PKHD1L1: variants seen among roughly 807,000 people sequenced by gnomAD.
The protein encoded by PKHD1L1 is fibrocystin-L.
A neutral mutation model predicts 462.9 loss-of-function variants in PKHD1L1; 434 were observed. That is an observed-to-expected ratio of 0.94 (90% CI 0.87 to 1.02). The LOEUF (loss-of-function observed/expected upper bound fraction) is 1.02. Ranked by LOEUF, PKHD1L1 falls within the 50% of genes least tolerant of loss-of-function variation. The pLI is 0.00. For missense variants in PKHD1L1, 5,202 were observed against 5,096.1 expected (o/e 1.02, Z -0.63); for synonymous variants, 1,781 against 1,750.0 (o/e 1.02, Z -0.44).
chr8:109,413,476 A>G lies in PKHD1L1; in HGVS notation c.2291A>G (p.Tyr764Cys). ...AATTATATTGGTCTAAAATTTCAGT[A>G]CCAAGACAATAGCAAGATTACTAGA... ...LANYIGLKFQ[Y>C]QDNSKITRST... The change falls in exon 21 of 78, where the codon TAC (tyrosine) becomes TGC (cysteine). Residue 764 changes from tyrosine to cysteine, a missense_variant. By Grantham distance (194) the Tyr-to-Cys change is radical. Transcript: ENST00000378402. 1 of 1,582,620 alleles carries G rather than the reference A, an allele frequency of 6.3e-7. No individual in the cohort carries two copies. Among genetic ancestry groups the G allele is most frequent in the Non-Finnish European group, 8.6e-7 (1 of 1,162,788 alleles).
At chr8:109,364,767 T>A in intron 2 of PKHD1L1, 131 bp downstream of exon 2, 1 of 647,356 alleles carries the variant, frequency 1.5e-6, no homozygotes, top group Middle Eastern at 2.5e-4. Context: ...GCCAGAATAG[T>A]AAAACTCTGT....
intron 9 of PKHD1L1, 90 bp downstream of exon 9, chr8:109,390,584 A>G: frequency 1.4e-6 from 1 of 700,072 alleles, no homozygotes; most frequent in Non-Finnish European, 2.1e-6. Context: ...GTAGATGCAG[A>G]GGTTTAAAAA....
intron 2 of PKHD1L1, among the ~76,000 whole-genome samples, chr8:109,370,883 C>A (rs1318263978): frequency 6.6e-6 from 1 of 152,116 alleles, no homozygotes; most frequent in Admixed American, 6.5e-5. Flanking sequence ...GTATATGTGC[C>A]ACATTTTCTT....
chr8:109,436,356 T>G lies in PKHD1L1; in HGVS notation c.3524T>G (p.Leu1175Ter), dbSNP rs754800554. 25 of 1,612,958 alleles carry G rather than the reference T, an allele frequency of 1.5e-5. No individual in the cohort carries two copies. The highest frequency in any genetic ancestry group is 1.6e-5 in the Non-Finnish European group (19 of 1,179,714). Residue 1175 changes from leucine (L) to a stop codon, truncating the protein, a stop_gained, in exon 30 of 78, where the codon TTA (leucine) becomes TGA (stop). Transcript: ENST00000378402. LOFTEE classifies it high-confidence loss of function. ...GSIAGGTLLT[L>*]SGFGFNENSK... ...TATGAAGGTGGTACTCTACTGACTT[T>G]ATCTGGATTTGGCTTTAATGAAAAT...
At chr8:109,369,625 AT>A (rs1811396643) in intron 2 of PKHD1L1, among the ~76,000 whole-genome samples, 1 of 56,842 alleles carries the variant, frequency 1.8e-5, no homozygotes, top group African/African-American at 6.3e-5. Context: ...TGATAGGAAA[AT>A]ATATATATAT....
At chr8:109,447,474 T>C (rs972088563) in intron 38 of PKHD1L1, among the ~76,000 whole-genome samples, 2 of 152,206 alleles carry the variant, frequency 1.3e-5, no homozygotes, top group Non-Finnish European at 2.9e-5. Flanking sequence ...TTGAACAACC[T>C]ATGAAAAGTT....
intron 21 of PKHD1L1, among the ~76,000 whole-genome samples, chr8:109,417,184 A>G (rs551293080): frequency 1.3e-5 from 2 of 152,252 alleles, no homozygotes; most frequent in African/African-American, 4.8e-5. Flanking sequence ...AGTACATTTA[A>G]AAACAATTAA....
At chr8:109,389,615 C>T (rs939921815) in intron 8 of PKHD1L1, among the ~76,000 whole-genome samples, 4 of 151,386 alleles carry the variant, frequency 2.6e-5, no homozygotes, top group Admixed American at 6.6e-5. Flanking sequence ...GCAACCTCTG[C>T]CTCCCAGCTT....
intron 41 of PKHD1L1, among the ~76,000 whole-genome samples, chr8:109,451,478 G>A (rs150781924): frequency 6.6e-6 from 1 of 152,184 alleles, no homozygotes; most frequent in Non-Finnish European, 1.5e-5. Context: ...TCACCTTCTT[G>A]TTATGCTTTC....
intron 23 of PKHD1L1, among the ~76,000 whole-genome samples, chr8:109,421,069 T>G (rs1389884049): frequency 6.6e-6 from 1 of 152,078 alleles, no homozygotes; most frequent in East Asian, 1.9e-4. Flanking sequence ...TTTTTGCTTG[T>G]ATGAAAATTT....
At chr8:109,524,908 C>T (rs1190872003) in intron 76 of PKHD1L1, among the ~76,000 whole-genome samples, 1 of 151,362 alleles carries the variant, frequency 6.6e-6, no homozygotes, top group Non-Finnish European at 1.5e-5. Context: ...CTCCCCTCCC[C>T]TCTTCCTCTC....
At position 109,442,104 on chromosome 8, in the gene PKHD1L1, G is replaced by A. The variant is rs1288702735; in HGVS notation, c.4302G>A (p.Gly1434=). 2.6e-5 allele frequency: 42 copies of A among 1,613,392 alleles called. 1 individual carries two copies. Among genetic ancestry groups the A allele is most frequent in the Non-Finnish European group, 3.6e-5 (42 of 1,179,590 alleles). ...GGCAAACACATCCGTTTCTTAGAGG[G>A]ATAGGATATAGGATTTTTTCTGTCT... ...WHWQTHPFLR[G]IGYRIFSVSS... Residue 1434 remains glycine (G), a synonymous_variant, in exon 35 of 78, where the codon GGG becomes GGA. Transcript: ENST00000378402.
At position 109,450,946 on chromosome 8, in the gene PKHD1L1, C is replaced by A. The variant is rs780853247; in HGVS notation, c.6176-29C>A. Reference sequence around the variant, plus strand: ...AATGAATCAGGGCCCGATGGCAGAACTGCATTCAGTCTGATCTTCCTTTCA... The same window carrying A: ...AATGAATCAGGGCCCGATGGCAGAAATGCATTCAGTCTGATCTTCCTTTCA... On this transcript the variant is annotated intron_variant, in intron 40 of 77. Transcript: ENST00000378402. 7 of 1,561,464 alleles carry A rather than the reference C, an allele frequency of 4.5e-6. 1 individual carries two copies. The highest frequency in any genetic ancestry group is 2.7e-5 in the African/African-American group (2 of 74,038).
At chr8:109,500,673 CAAAAAAAAAAAAAA>C (rs34827783) in intron 67 of PKHD1L1, among the ~76,000 whole-genome samples, 1 of 47,196 alleles carries the variant, frequency 2.1e-5, no homozygotes, top group African/African-American at 8.1e-5. Context: ...AACTCTGTCT[CAAAAAAAAAAAAAA>C]AAAAAAAAAA....
At chr8:109,412,006 A>C (rs1813881146) in intron 19 of PKHD1L1, among the ~76,000 whole-genome samples, 1 of 152,184 alleles carries the variant, frequency 6.6e-6, no homozygotes, top group African/African-American at 2.4e-5. Context: ...GGAGAGAATG[A>C]ATAAATACCC....
intron 2 of PKHD1L1, among the ~76,000 whole-genome samples, chr8:109,380,944 G>A (rs940640625): frequency 1.3e-5 from 2 of 152,044 alleles, no homozygotes; most frequent in African/African-American, 4.8e-5. Flanking sequence ...ATAGAATCTG[G>A]TGCTATGTAG....
At chr8:109,472,627 G>A (rs1372691124) in intron 50 of PKHD1L1, among the ~76,000 whole-genome samples, 2 of 152,046 alleles carry the variant, frequency 1.3e-5, no homozygotes, top group African/African-American at 4.8e-5. Context: ...TACTCAGCAA[G>A]TGTTGAATTA....
intron 71 of PKHD1L1, among the ~76,000 whole-genome samples, chr8:109,513,380 C>G (rs1271147879): frequency 6.6e-6 from 1 of 152,104 alleles, no homozygotes; most frequent in Non-Finnish European, 1.5e-5. Context: ...TTCAATGCTG[C>G]TATTACTTAT....
intron 60 of PKHD1L1, 91 bp from the exon 61 acceptor site, chr8:109,490,881 G>A (rs1167724666): frequency 3.4e-6 from 4 of 1,172,282 alleles, no homozygotes; most frequent in Non-Finnish European, 3.5e-6. Context: ...TATTGATAAA[G>A]GTTTGTTTAC....
Sources: gnomAD v4.1 joint callset for allele counts (sites outside exome capture counted in the v4.1 genomes callset) on GRCh38, gnomAD v4.1.1 for gene constraint, MANE v1.5 for transcripts, NCBI Gene and HGNC (gene_info 2026-07-23, HGNC 2026-07-21) for gene names.